ACTN2: variants seen among roughly 807,000 people sequenced by gnomAD.
The protein encoded by ACTN2 is actinin alpha 2.
A neutral mutation model predicts 113.8 loss-of-function variants in ACTN2; 39 were observed. The ratio of observed to expected loss-of-function variants is 0.34; its 90% CI spans 0.27 to 0.45. ACTN2 has a LOEUF of 0.45. Ranked by LOEUF, ACTN2 falls within the 20% of genes least tolerant of loss-of-function variation. ACTN2 has a pLI of 1.00. For missense variants in ACTN2, 992 were observed against 1,177.9 expected (o/e 0.84, Z 2.31); for synonymous variants, 429 against 444.1 (o/e 0.97, Z 0.43).
chr1:236,754,076 A>T lies in ACTN2; in HGVS notation c.1969A>T (p.Met657Leu), dbSNP rs754150704. The part of the protein sequence containing the change: ...NAIGPWIQNK[M>L]EEIARSSIQI... ...CATTGGGCCCTGGATCCAGAACAAG[A>T]TGGAGGTAAGCCAGCGCCCTCCCAG... Residue 657 changes from methionine (M) to leucine (L), a missense_variant, in exon 16 of 21, where the codon ATG becomes TTG. Coordinates refer to ENST00000366578, the MANE Select transcript of ACTN2 (RefSeq NM_001103.4). The surrounding 1 kb of genome is among the most constrained non-coding windows in gnomAD (Gnocchi z 4.9). 11 of 1,613,976 alleles carry T rather than the reference A, an allele frequency of 6.8e-6. No homozygotes were observed. The highest frequency in any genetic ancestry group is 6.7e-5 in the Admixed American group (4 of 60,026).
intron 10 of ACTN2, among the ~76,000 whole-genome samples, chr1:236,740,029 G>A (rs1011443511): frequency 3.3e-5 from 5 of 152,004 alleles, no homozygotes; most frequent in South Asian, 2.1e-4. Context: ...CATCTCCCAC[G>A]AGCAACTTCT....
chr1:236,712,549 A>G (rs1459028914), intron 1 of ACTN2, among the ~76,000 whole-genome samples: 2 of 152,164 alleles, frequency 1.3e-5, no homozygotes, highest in Non-Finnish European at 2.9e-5. Context: ...GGTAATATCA[A>G]CTCAGGAGGC....
chr1:236,738,096 G>A (rs756184865), intron 9 of ACTN2, among the ~76,000 whole-genome samples: 6 of 152,176 alleles, frequency 3.9e-5, no homozygotes, highest in South Asian at 2.1e-4. Context: ...TGCAACCTCC[G>A]CCCCCAGGGT....
chr1:236,718,350 T>C (rs1572112871), intron 2 of ACTN2, among the ~76,000 whole-genome samples: 1 of 152,208 alleles, frequency 6.6e-6, no homozygotes. Flanking sequence ...TCTGAACATA[T>C]AAGCTAAAAT....
chr1:236,717,273 A>G (rs930710929), intron 1 of ACTN2, among the ~76,000 whole-genome samples: 3 of 152,018 alleles, frequency 2.0e-5, no homozygotes, highest in African/African-American at 4.8e-5. Context: ...GCAAGACCCC[A>G]TCTCTAAAAA....
At chr1:236,739,259 G>C (rs750274559) in intron 9 of ACTN2, 43 bp from the exon 10 acceptor site, 1 of 1,587,810 alleles carries the variant, frequency 6.3e-7, no homozygotes, top group East Asian at 2.2e-5. Flanking sequence ...GGGGGAGGGG[G>C]CTTGCTGGTG....
At chr1:236,697,059 C>G (rs1022960724) in intron 1 of ACTN2, among the ~76,000 whole-genome samples, 1 of 152,144 alleles carries the variant, frequency 6.6e-6, no homozygotes, top group African/African-American at 2.4e-5. Flanking sequence ...TCTCTAATGT[C>G]TTTGGTATTC....
chr1:236,741,487 C>T (rs909703231), intron 10 of ACTN2, among the ~76,000 whole-genome samples: 3 of 152,162 alleles, frequency 2.0e-5, no homozygotes, highest in Non-Finnish European at 2.9e-5. Context: ...GAGTTCCTCC[C>T]GGTTTCCTCG....
intron 12 of ACTN2, among the ~76,000 whole-genome samples, chr1:236,745,913 C>T (rs1659219362): frequency 6.6e-6 from 1 of 151,996 alleles, no homozygotes; most frequent in Admixed American, 6.6e-5. Flanking sequence ...CCTGTAACCC[C>T]AGCACTTTGG....
chr1:236,715,101 G>A (rs189295962), intron 1 of ACTN2, among the ~76,000 whole-genome samples: 15 of 152,186 alleles, frequency 9.9e-5, no homozygotes, highest in Non-Finnish European at 1.6e-4. Flanking sequence ...AGGAACAAAG[G>A]TGAGAGGATG....
At position 236,697,760 on chromosome 1, in the gene ACTN2, C is replaced by CTT. The variant is rs750251378; in HGVS notation, c.126+10978_126+10979dup. ...TATCTTTTAGCTCACGAAACAAGTT[C>CTT]TTTTTTTTTTTTTTTTTTGGAGACA... On this transcript the variant is annotated intron_variant, in intron 1 of 20. Transcript: ENST00000366578. 7.8e-4 allele frequency among the ~76,000 whole-genome samples: 98 copies of CTT among 125,012 alleles called. 1 individual carries two copies. The highest frequency in any genetic ancestry group is 2.3e-3 in the African/African-American group (78 of 33,252). The allele number at this position is 125,012 out of a possible 152,430, so 82.0% of individuals were successfully genotyped here.
intron 1 of ACTN2, among the ~76,000 whole-genome samples, chr1:236,709,343 TGTATATATATATATAC>T (rs1370790859): frequency 2.0e-4 from 27 of 132,472 alleles, no homozygotes; most frequent in African/African-American, 4.1e-4. Context: ...TATATATACG[TGTATATATATATATAC>T]GTGTGTGTGT....
chr1:236,738,109 A>C (rs1658946928), intron 9 of ACTN2, among the ~76,000 whole-genome samples: 1 of 152,200 alleles, frequency 6.6e-6, no homozygotes, highest in Non-Finnish European at 1.5e-5. Flanking sequence ...CCCAGGGTTC[A>C]AGCAATTGTC....
chr1:236,761,074 C>T lies in ACTN2; in HGVS notation c.2427C>T (p.Val809=). The change falls in exon 20 of 21, where the codon GTC becomes GTT. Residue 809 remains valine (V), a synonymous_variant. Coordinates refer to ENST00000366578, the MANE Select transcript of ACTN2 (RefSeq NM_001103.4). The part of the protein sequence containing the change: ...TLVDPNGQGT[V]TFQSFIDFMT... ...TAGATCCCAACGGGCAAGGCACCGT[C>T]ACCTTCCAATCCTTCATCGACTTCA... 1 of 1,614,204 alleles carries T rather than the reference C, an allele frequency of 6.2e-7. No individual in the cohort carries two copies. The highest frequency in any genetic ancestry group is 8.5e-7 in the Non-Finnish European group (1 of 1,180,030).
rs78965024 is a variant in ACTN2, at chr1:236,715,454, A to G, written c.127-2404A>G. Reference sequence around the variant, plus strand: ...TTCAAAAAACAAAACTTAATTATCTATAGTGTTGTCCAGTAGAATTTTCTG... The same window carrying G: ...TTCAAAAAACAAAACTTAATTATCTGTAGTGTTGTCCAGTAGAATTTTCTG... On this transcript the variant is annotated intron_variant, in intron 1 of 20. Transcript: ENST00000366578. 9.2e-3 allele frequency among the ~76,000 whole-genome samples: 1,405 copies of G among 152,036 alleles called. 18 individuals are homozygous for G. Among genetic ancestry groups the G allele is most frequent in the African/African-American group, 0.032 (1,327 of 41,460 alleles).
intron 1 of ACTN2, among the ~76,000 whole-genome samples, chr1:236,702,342 C>T (rs1484875236): frequency 6.6e-6 from 1 of 152,004 alleles, no homozygotes. Context: ...TTTATGCTCT[C>T]CTGAATTATT....
intron 1 of ACTN2, among the ~76,000 whole-genome samples, chr1:236,703,360 C>T (rs963546779): frequency 6.6e-6 from 1 of 151,688 alleles, no homozygotes; most frequent in Non-Finnish European, 1.5e-5. Flanking sequence ...AAGTCAGGCT[C>T]CTGGCTTAGA....
intron 1 of ACTN2, among the ~76,000 whole-genome samples, chr1:236,715,024 T>TA (rs200719120): frequency 2.1e-5 from 3 of 144,984 alleles, no homozygotes; most frequent in African/African-American, 5.0e-5. Context: ...TATACACAGA[T>TA]ACCACTGAAG....
At chr1:236,708,672 G>A (rs146665457) in intron 1 of ACTN2, among the ~76,000 whole-genome samples, 2,091 of 152,282 alleles carry the variant, frequency 0.014, 80 homozygotes, top group Admixed American at 0.08. Flanking sequence ...TGCTTCCAGC[G>A]CAGTTCGTGT....
Sources: allele counts gnomAD v4.1 joint callset (sites outside exome capture counted in the v4.1 genomes callset), GRCh38; gene constraint gnomAD v4.1.1; non-coding constraint Gnocchi (gnomAD v3.1); transcripts MANE v1.5; gene names NCBI Gene and HGNC (gene_info 2026-07-23, HGNC 2026-07-21).